Variants in TFEC observed in about 807,000 individuals in gnomAD.
TFEC encodes the protein class E basic helix-loop-helix protein 34.
In TFEC, 31 loss-of-function variants were observed where a neutral mutation model predicts 41.6. The ratio of observed to expected loss-of-function variants is 0.74; its 90% CI spans 0.56 to 1.01. TFEC has a LOEUF of 1.01. Among genes scored for constraint, TFEC ranks in the 50% least tolerant of loss-of-function variants. TFEC has a pLI of 0.00. For missense variants in TFEC, 402 were observed against 404.1 expected (o/e 0.99, Z 0.04); for synonymous variants, 143 against 140.6 (o/e 1.02, Z -0.12).
chr7:116,130,769 T>A (rs1166668592), intron 1 of TFEC, among the ~76,000 whole-genome samples: 14 of 152,106 alleles, frequency 9.2e-5, no homozygotes, highest in African/African-American at 3.4e-4. Flanking sequence ...CAAACCACCA[T>A]GCCAGACTAA....
intron 6 of TFEC, among the ~76,000 whole-genome samples, chr7:115,944,088 G>A (rs1265190225): frequency 1.2e-4 from 14 of 113,848 alleles, no homozygotes; most frequent in African/African-American, 3.4e-4. Flanking sequence ...GTCAGGTCTC[G>A]TATTCTACAC....
chr7:115,956,230 A>C (rs1792217542), intron 4 of TFEC, among the ~76,000 whole-genome samples: 1 of 151,998 alleles, frequency 6.6e-6, no homozygotes, highest in South Asian at 2.1e-4. Context: ...CATGAAATCC[A>C]TAAAACAAGC....
Position 115,985,883 on chromosome 7 carries a change from A to G in TFEC, c.-72-1370T>C, listed in dbSNP as rs575566921. ...TAAATTAATTCTTTTTAATCTGTAT[A>G]CTTTTATGAAATATACATTATGAAG... On this transcript the variant is annotated intron_variant, in intron 1 of 7. Transcript: ENST00000265440. 2.0e-5 allele frequency among the ~76,000 whole-genome samples: 3 copies of G among 152,240 alleles called. No individual in the cohort carries two copies. The South Asian group carries it at 6.2e-4, about 32-fold the overall frequency.
intron 3 of TFEC, among the ~76,000 whole-genome samples, chr7:116,061,388 G>A (rs1015479720): frequency 6.6e-6 from 1 of 152,074 alleles, no homozygotes; most frequent in African/African-American, 2.4e-5. Context: ...AAATTATTCT[G>A]GAGAAGTTAG....
chr7:116,075,356 G>A (rs1375793849), intron 3 of TFEC, among the ~76,000 whole-genome samples: 1 of 152,146 alleles, frequency 6.6e-6, no homozygotes, highest in African/African-American at 2.4e-5. Flanking sequence ...AGAACTACTG[G>A]AGAGAAAGCT....
intron 3 of TFEC, among the ~76,000 whole-genome samples, chr7:116,048,162 T>C (rs35398698): frequency 0.065 from 9,886 of 152,188 alleles, 425 homozygotes; most frequent in Non-Finnish European, 0.086. Flanking sequence ...CTTCAGACAA[T>C]TGGTAATAAT....
chr7:116,145,619 G>A (rs1798626159), intron 1 of TFEC, among the ~76,000 whole-genome samples: 1 of 152,138 alleles, frequency 6.6e-6, no homozygotes, highest in South Asian at 2.1e-4. Context: ...TTGATTTGTT[G>A]AGGGACCTAG....
chr7:116,038,305 T>C lies in TFEC; in HGVS notation c.199-53792A>G, dbSNP rs529760178. Among the ~76,000 whole-genome samples the C allele has an allele frequency of 6.6e-5, 10 of 152,108 alleles. No homozygotes were observed. The East Asian group carries it at 1.9e-3, about 29-fold the overall frequency. On this transcript the variant is annotated intron_variant, in intron 3 of 8. Transcript: ENST00000484212. ...TTGTCTTTAACATGCAATCTCTGTG[T>C]CCTTTTCCCTTTTGCCAGACAGGTG...
intron 1 of TFEC, among the ~76,000 whole-genome samples, chr7:116,000,741 C>T (rs950529990): frequency 1.3e-5 from 2 of 151,820 alleles, no homozygotes; most frequent in African/African-American, 4.8e-5. Flanking sequence ...TTAACTTAAC[C>T]AAAGAAGAGA....
At chr7:116,105,446 A>C (rs566108274) in intron 3 of TFEC, among the ~76,000 whole-genome samples, 1 of 152,220 alleles carries the variant, frequency 6.6e-6, no homozygotes, top group African/African-American at 2.4e-5. Context: ...AATGCAGTCC[A>C]ACAGAAAAAA....
chr7:115,977,749 A>C (rs1028607503), intron 2 of TFEC, among the ~76,000 whole-genome samples: 1 of 152,050 alleles, frequency 6.6e-6, no homozygotes, highest in African/African-American at 2.4e-5. Context: ...ATTTCTATAG[A>C]TAAGTACATA....
chr7:116,036,104 T>A (rs988520929), intron 3 of TFEC, among the ~76,000 whole-genome samples: 103 of 152,216 alleles, frequency 6.8e-4, no homozygotes, highest in Non-Finnish European at 1.2e-3. Flanking sequence ...ATAATTGTTA[T>A]ACTGTATTGT....
At chr7:116,000,814 T>C (rs1304032349) in intron 1 of TFEC, among the ~76,000 whole-genome samples, 1 of 151,868 alleles carries the variant, frequency 6.6e-6, no homozygotes, top group Admixed American at 6.6e-5. Context: ...CACCAAAAAA[T>C]GGGAAGACAT....
At chr7:116,031,218 C>T (rs1384960859), upstream of TFEC, among the ~76,000 whole-genome samples, 1 of 151,812 alleles carries the variant, frequency 6.6e-6, no homozygotes, top group African/African-American at 2.4e-5. Flanking sequence ...TTGCATTTTC[C>T]ATATTTTCTA....
chr7:116,018,159 G>A (rs1584704619), intron 1 of TFEC, among the ~76,000 whole-genome samples: 1 of 152,140 alleles, frequency 6.6e-6, no homozygotes, highest in East Asian at 1.9e-4. Context: ...ACAGCCCTAT[G>A]AGCTAGGAAC....
At chr7:116,061,056 C>T (rs959407816) in intron 3 of TFEC, among the ~76,000 whole-genome samples, 1 of 152,008 alleles carries the variant, frequency 6.6e-6, no homozygotes, top group African/African-American at 2.4e-5. Context: ...AAACTTGATC[C>T]ATAAATAGAT....
intron 3 of TFEC, among the ~76,000 whole-genome samples, chr7:116,100,851 A>G (rs1253926040): frequency 6.6e-6 from 1 of 151,988 alleles, no homozygotes; most frequent in Non-Finnish European, 1.5e-5. Flanking sequence ...AGAACACACC[A>G]TACAAGCAGA....
intron 1 of TFEC, among the ~76,000 whole-genome samples, chr7:116,002,011 A>G (rs190585409): frequency 2.6e-5 from 4 of 152,348 alleles, no homozygotes; most frequent in Admixed American, 2.6e-4. Flanking sequence ...TTTTAATCCA[A>G]AAGACAGGTA....
intron 3 of TFEC, among the ~76,000 whole-genome samples, chr7:116,057,846 C>A (rs942363787): frequency 4.0e-5 from 6 of 151,600 alleles, no homozygotes; most frequent in Non-Finnish European, 8.9e-5. Flanking sequence ...TTAAAGAACC[C>A]TAAAGCAACC....
Sources: allele counts gnomAD v4.1 joint callset (sites outside exome capture counted in the v4.1 genomes callset), GRCh38; gene constraint gnomAD v4.1.1; transcripts MANE v1.5; gene names NCBI Gene and HGNC (gene_info 2026-07-23, HGNC 2026-07-21).